The following ZNF324B variants were observed in gnomAD, a reference collection of about 807,000 sequenced individuals.
ZNF324B encodes the protein zinc finger protein 324B.
In ZNF324B, 7 loss-of-function variants were observed where a neutral mutation model predicts 10.6. That is an observed-to-expected ratio of 0.66 (90% CI 0.38 to 1.24). The LOEUF (loss-of-function observed/expected upper bound fraction) is 1.24. Among genes scored for constraint, ZNF324B ranks in the 50% most tolerant of loss-of-function variants. The pLI is 0.02. For synonymous variants in ZNF324B, 316 were observed against 321.0 expected (o/e 0.98, Z 0.17); for missense variants, 640 against 764.7 (o/e 0.84, Z 1.92).
At chr19:58,421,115 G>A in the ZNF324B span, among the ~76,000 whole-genome samples, 1 of 151,992 alleles carries the variant, frequency 6.6e-6, no homozygotes, top group Non-Finnish European at 1.5e-5. Flanking sequence ...ACTTCCGAGT[G>A]TTGCCAAGGC....
the ZNF324B span, among the ~76,000 whole-genome samples, chr19:58,425,115 G>A: frequency 6.6e-6 from 1 of 152,108 alleles, no homozygotes; most frequent in Non-Finnish European, 1.5e-5. Flanking sequence ...AATCAGCCAG[G>A]CGTGGCGGTG....
chr19:58,453,666 A>G, intron 1 of ZNF324B, 30 bp from the exon 2 acceptor site: 1 of 1,614,160 alleles, frequency 6.2e-7, no homozygotes, highest in Non-Finnish European at 8.5e-7. Flanking sequence ...ACCTTAGACC[A>G]TGCCTACCTC....
the ZNF324B span, chr19:58,435,064 A>G: frequency 2.5e-6 from 4 of 1,614,058 alleles, no homozygotes; most frequent in Non-Finnish European, 3.4e-6. Context: ...AGCCAGGTGC[A>G]AAATGTCTTT....
Position 58,454,607 on chromosome 19 carries a change from A to G in ZNF324B, c.238+263A>G, listed in dbSNP as rs147498360. 367 of 561,996 alleles carry G rather than the reference A, an allele frequency of 6.5e-4. No homozygotes were observed. The East Asian group carries it at 9.2e-3, about 14-fold the overall frequency. 34.8% of individuals were successfully genotyped at this position (561,996 alleles called of 1,614,324 possible). ...CTTGAACCCTCCACAACTAGCAGCCATTATTGATAGGTATTTATTTCGCCC... is the reference window on the plus strand; with the variant it reads ...CTTGAACCCTCCACAACTAGCAGCCGTTATTGATAGGTATTTATTTCGCCC... On this transcript the variant is annotated intron_variant, in intron 3 of 3. Transcript: ENST00000336614.
At chr19:58,434,315 A>G in the ZNF324B span, 11 of 1,614,196 alleles carry the variant, frequency 6.8e-6, no homozygotes, top group South Asian at 1.2e-4. Flanking sequence ...CATTTCAGGC[A>G]CTCAAAAGGC....
rs756535154 is a variant in ZNF324B at position 58,456,468 on chromosome 19, C to T, written c.1524C>T (p.Thr508=). ...AGAGGATCCACACCACAGAGAAGAC[C>T]AATGCCGCAGCACCAGACTGCACCC... ...HHQRIHTTEK[T]NAAAPDCTPG... is the part of the protein sequence containing the mutation. Residue 508 remains threonine, a synonymous_variant, in exon 4 of 4, where the codon ACC becomes ACT. Coordinates refer to ENST00000336614, the MANE Select transcript of ZNF324B (RefSeq NM_207395.3). This position sits in a 1 kb window ranked among gnomAD's most constrained non-coding sequence, Gnocchi z 4.7. The T allele has an allele frequency of 6.2e-7, 1 of 1,614,102 alleles. No individual in the cohort carries two copies. The highest frequency in any genetic ancestry group is 8.5e-7 in the Non-Finnish European group (1 of 1,180,026).
intron 1 of ZNF324B, chr19:58,452,743 A>C (rs897623678): frequency 6.7e-6 from 5 of 748,806 alleles, no homozygotes; most frequent in African/African-American, 3.8e-5. Context: ...GGACTGAAGA[A>C]GGCGATGAGC....
the ZNF324B span, among the ~76,000 whole-genome samples, chr19:58,431,500 A>C: frequency 6.6e-6 from 1 of 151,974 alleles, no homozygotes; most frequent in Non-Finnish European, 1.5e-5. Context: ...GGCTCAAGAG[A>C]TCCTCCTGCC....
chr19:58,440,804 C>G, the ZNF324B span: 2 of 152,210 alleles, frequency 1.3e-5, no homozygotes, highest in African/African-American at 4.8e-5. Context: ...CTTTAGGGAG[C>G]GCGAGGCCGA....
At chr19:58,440,171 C>A in the ZNF324B span, 1 of 343,352 alleles carries the variant, frequency 2.9e-6, no homozygotes, top group Non-Finnish European at 5.4e-6. Flanking sequence ...CCGGAAGTCC[C>A]GCCTCTCAAT....
At chr19:58,447,893 G>C (rs1462834476), upstream of ZNF324B, among the ~76,000 whole-genome samples, 2 of 152,146 alleles carry the variant, frequency 1.3e-5, no homozygotes, top group Admixed American at 6.5e-5. Flanking sequence ...AGACCTGATG[G>C]TTTTATAAGG....
chr19:58,450,630 A>T (rs1238601734), upstream of ZNF324B, among the ~76,000 whole-genome samples: 1 of 152,222 alleles, frequency 6.6e-6, no homozygotes, highest in Non-Finnish European at 1.5e-5. Context: ...CACTATAGGG[A>T]TCTACAAGTA....
rs2052926738 is a variant in ZNF324B, at chr19:58,456,709, C to T, written c.*130C>T. Reference sequence around the variant, plus strand: ...CTGAGAGTCAGGGACGAGGGAGACCCTTTGGCTGTGGTTCCATTTGCAGGT... The same window carrying T: ...CTGAGAGTCAGGGACGAGGGAGACCTTTTGGCTGTGGTTCCATTTGCAGGT... On this transcript the variant is annotated 3_prime_UTR_variant, in exon 4 of 4. Transcript: ENST00000336614. This position sits in a 1 kb window ranked among gnomAD's most constrained non-coding sequence, Gnocchi z 4.7. The T allele has an allele frequency of 8.2e-7, 1 of 1,216,274 alleles. No homozygotes were observed. The highest frequency in any genetic ancestry group is 1.1e-6 in the Non-Finnish European group (1 of 891,130). 75.3% of individuals were successfully genotyped at this position (1,216,274 alleles called of 1,614,324 possible).
At chr19:58,425,116 C>T in the ZNF324B span, among the ~76,000 whole-genome samples, 5 of 152,054 alleles carry the variant, frequency 3.3e-5, no homozygotes, top group East Asian at 3.9e-4. Context: ...ATCAGCCAGG[C>T]GTGGCGGTGC....
rs767833611 is a variant in ZNF324B at position 58,456,405 on chromosome 19, C to G, written c.1461C>G (p.Gly487=). 3.7e-6 allele frequency: 6 copies of G among 1,613,252 alleles called. No individual in the cohort carries two copies. Among genetic ancestry groups the G allele is most frequent in the Non-Finnish European group, 5.1e-6 (6 of 1,180,038 alleles). The stretch of plus-strand genomic sequence containing the variant: ...AGCCCTTCGTGTGCACGCAGTGTGG[C>G]CGCGCCTTCCGTGAGCGCCCTGCCC... The part of the protein sequence containing the change: ...GEKPFVCTQC[G]RAFRERPALL... Residue 487 remains glycine (G), a synonymous_variant, in exon 4 of 4, where the codon GGC becomes GGG. Transcript: ENST00000336614. The surrounding 1 kb of genome is among the most constrained non-coding windows in gnomAD (Gnocchi z 4.7).
At chr19:58,434,763 T>G in the ZNF324B span, 3 of 1,614,240 alleles carry the variant, frequency 1.9e-6, no homozygotes, top group South Asian at 1.1e-5. Context: ...TACAGACTTC[T>G]GGAAGCTGCC....
At chr19:58,430,148 AGGTCTCAGACCAACAGACG>A in the ZNF324B span, 1 of 152,248 alleles carries the variant, frequency 6.6e-6, no homozygotes, top group Non-Finnish European at 1.5e-5. Context: ...GAACTGGAGG[AGGTCTCAGACCAACAGACG>A]GGTCCTCAGT....
intron 3 of ZNF324B, 53 bp downstream of exon 3, chr19:58,454,397 A>G: frequency 8.6e-7 from 1 of 1,165,110 alleles, no homozygotes; most frequent in Non-Finnish European, 1.3e-6. Flanking sequence ...GGCCAAGCCC[A>G]TGTCCCTGCT....
At chr19:58,420,465 A>T in the ZNF324B span, among the ~76,000 whole-genome samples, 4 of 151,632 alleles carry the variant, frequency 2.6e-5, no homozygotes, top group African/African-American at 9.7e-5. Context: ...TTGGCGGCTC[A>T]TGCCTGTAAT....
Sources: allele counts gnomAD v4.1 joint callset (sites outside exome capture counted in the v4.1 genomes callset), GRCh38; gene constraint gnomAD v4.1.1; non-coding constraint Gnocchi (gnomAD v3.1); transcripts MANE v1.5; gene names NCBI Gene and HGNC (gene_info 2026-07-23, HGNC 2026-07-21).